The following ARMC6 variants were observed in gnomAD, a reference collection of about 807,000 sequenced individuals.
The protein encoded by ARMC6 is armadillo repeat containing 6.
ARMC6 carries 43 observed loss-of-function variants against 49.2 expected under a neutral mutation model. That is an observed-to-expected ratio of 0.87 (90% CI 0.69 to 1.13). ARMC6 has a LOEUF of 1.13. Among genes scored for constraint, ARMC6 ranks in the 50% most tolerant of loss-of-function variants. The pLI, the probability that ARMC6 is intolerant of heterozygous loss-of-function variation, is 0.00. For synonymous variants in ARMC6, 262 were observed against 289.6 expected (o/e 0.90, Z 0.97); for missense variants, 627 against 682.0 (o/e 0.92, Z 0.90).
intron 2 of ARMC6, among the ~76,000 whole-genome samples, chr19:19,035,002 C>T (rs1003331518): frequency 2.0e-5 from 3 of 152,056 alleles, no homozygotes; most frequent in Non-Finnish European, 2.9e-5. Context: ...GCTGGAAATA[C>T]AGGCACCCGC....
chr19:19,035,932 A>G (rs1401676073), intron 2 of ARMC6, among the ~76,000 whole-genome samples: 1 of 152,190 alleles, frequency 6.6e-6, no homozygotes, highest in Non-Finnish European at 1.5e-5. Context: ...GGTAGAGACA[A>G]ATGATTGCTT....
chr19:19,043,747 C>T (rs536897793), intron 3 of ARMC6, among the ~76,000 whole-genome samples: 1 of 152,254 alleles, frequency 6.6e-6, no homozygotes, highest in East Asian at 1.9e-4. Flanking sequence ...TGATGACAGC[C>T]TTGTGTGACA....
At chr19:19,056,225 C>T (rs1287245430) in intron 8 of ARMC6, among the ~76,000 whole-genome samples, 2 of 151,290 alleles carry the variant, frequency 1.3e-5, no homozygotes, top group African/African-American at 4.9e-5. Flanking sequence ...TGGTGAAACC[C>T]TGGAAAGAAA....
In ARMC6 at chr19:19,055,736, T is replaced by G; in HGVS notation, c.1156-55T>G. On this transcript the variant is annotated intron_variant, in intron 7 of 8. Coordinates refer to ENST00000535612, the MANE Select transcript of ARMC6 (RefSeq NM_001199196.2). The surrounding 1 kb of genome is among the most constrained non-coding windows in gnomAD (Gnocchi z 5.7). Reference sequence around the variant, plus strand: ...CCAGGGGTTGGTGGCCATGGCAGGATGTTGTGGGGGGTCTATCTGCTGCAT... The same window carrying G: ...CCAGGGGTTGGTGGCCATGGCAGGAGGTTGTGGGGGGTCTATCTGCTGCAT... The G allele has an allele frequency of 6.6e-7, 1 of 1,511,692 alleles. No homozygotes were observed. The highest frequency in any genetic ancestry group is 8.9e-7 in the Non-Finnish European group (1 of 1,121,912). 93.6% of individuals were successfully genotyped at this position (1,511,692 alleles called of 1,614,324 possible).
At chr19:19,048,983 C>G (rs1436170010) in intron 4 of ARMC6, among the ~76,000 whole-genome samples, 1 of 151,950 alleles carries the variant, frequency 6.6e-6, no homozygotes, top group Non-Finnish European at 1.5e-5. Flanking sequence ...CCATCATGAC[C>G]TGAAGTAGTT....
intron 2 of ARMC6, among the ~76,000 whole-genome samples, 174 bp from the exon 3 acceptor site, chr19:19,042,537 G>A (rs79135289): frequency 0.051 from 7,836 of 152,234 alleles, 238 homozygotes; most frequent in Middle Eastern, 0.11. Context: ...AGAAGTTCTA[G>A]GGAAGTAGGG....
At chr19:19,054,461 G>A (rs1266715327) in intron 6 of ARMC6, 140 bp downstream of exon 6, 1 of 893,040 alleles carries the variant, frequency 1.1e-6, no homozygotes, top group Non-Finnish European at 1.6e-6. Context: ...CCAAGGGCAG[G>A]AACCAAAGGT....
Position 19,057,642 on chromosome 19 carries a change from C to A in ARMC6, c.*14C>A. ...CTGGCGCCATGACCCCAGGCCCAGT[C>A]TGGGCCGTGACTCTGGGTGAGTCGT... is the stretch of plus-strand genomic sequence containing the variant. On this transcript the variant is annotated 3_prime_UTR_variant, in exon 9 of 9. Transcript: ENST00000535612. 6.2e-7 allele frequency: 1 copy of A among 1,610,238 alleles called. No individual in the cohort carries two copies. Among genetic ancestry groups the A allele is most frequent in the South Asian group, 1.1e-5 (1 of 91,054 alleles).
Position 19,042,824 on chromosome 19 carries a change from C to T in ARMC6, c.143C>T (p.Ala48Val), listed in dbSNP as rs543220314. 26 of 1,614,010 alleles carry T rather than the reference C, an allele frequency of 1.6e-5. No individual in the cohort carries two copies. Among genetic ancestry groups the T allele is most frequent in the South Asian group, 1.3e-4 (12 of 91,088 alleles). Reference sequence around the variant, plus strand: ...GTGCGCGAGAACATCGAGGAGTTTGCGATGGGGCCAGAGGAGGCAGTGAAA... The same window carrying T: ...GTGCGCGAGAACATCGAGGAGTTTGTGATGGGGCCAGAGGAGGCAGTGAAA... ...AAVRENIEEF[A>V]MGPEEAVKEA... Residue 48 changes from alanine to valine, a missense_variant, in exon 3 of 9, where the codon GCG becomes GTG. Coordinates refer to ENST00000535612, the MANE Select transcript of ARMC6 (RefSeq NM_001199196.2).
At chr19:19,037,308 G>A (rs2059378671) in intron 2 of ARMC6, among the ~76,000 whole-genome samples, 1 of 152,022 alleles carries the variant, frequency 6.6e-6, no homozygotes, top group African/African-American at 2.4e-5. Flanking sequence ...CAGGAACACA[G>A]ATGGAATGTG....
Position 19,052,183 on chromosome 19 carries a change from G to A in ARMC6, c.841G>A (p.Glu281Lys), listed in dbSNP as rs373103058. The stretch of plus-strand genomic sequence containing the variant: ...GAACAAAGGCTTGAAGGTGCTCATC[G>A]AAGCCACCAAAGGTAAGAGCTGGGG... ...QENKGLKVLI[E>K]ATKAFLDNPG... The change falls in exon 5 of 9, where the codon GAA (glutamate) becomes AAA (lysine). Residue 281 changes from glutamate (E) to lysine (K), a missense_variant. Coordinates refer to ENST00000535612, the MANE Select transcript of ARMC6 (RefSeq NM_001199196.2). 1.7e-5 allele frequency: 27 copies of A among 1,599,488 alleles called. No homozygotes were observed. Among genetic ancestry groups the A allele is most frequent in the African/African-American group, 9.3e-5 (7 of 74,904 alleles).
intron 4 of ARMC6, among the ~76,000 whole-genome samples, chr19:19,046,978 AACTCTC>A (rs2059457364): frequency 1.7e-5 from 2 of 114,408 alleles, no homozygotes; most frequent in South Asian, 5.5e-4. Context: ...TTTTGACACA[AACTCTC>A]ACTCTGTCAC....
intron 3 of ARMC6, 22 bp from the exon 4 acceptor site, chr19:19,043,969 CT>C (rs2059429522): frequency 6.2e-7 from 1 of 1,609,836 alleles, no homozygotes; most frequent in African/African-American, 1.3e-5. Context: ...CCCCTGTGTG[CT>C]TGCTTCCCCC....
At chr19:19,047,850 G>GTAC (rs2059464230) in intron 4 of ARMC6, among the ~76,000 whole-genome samples, 1 of 152,166 alleles carries the variant, frequency 6.6e-6, no homozygotes, top group Non-Finnish European at 1.5e-5. Flanking sequence ...CATGTGAGAC[G>GTAC]TACATTGGTG....
intron 2 of ARMC6, among the ~76,000 whole-genome samples, chr19:19,036,123 G>A (rs1367359050): frequency 1.3e-5 from 2 of 152,042 alleles, no homozygotes; most frequent in African/African-American, 4.8e-5. Context: ...GTGCAATGGC[G>A]CAATCTTGGC....
intron 2 of ARMC6, 23 bp downstream of exon 2, chr19:19,034,261 A>G: frequency 6.3e-7 from 1 of 1,592,108 alleles, no homozygotes. Context: ...AAATAATAAC[A>G]GAGTGATGGG....
chr19:19,036,406 G>A (rs967510660), intron 2 of ARMC6, among the ~76,000 whole-genome samples: 1 of 152,210 alleles, frequency 6.6e-6, no homozygotes, highest in African/African-American at 2.4e-5. Flanking sequence ...AGAGCAACTG[G>A]ATATGCATTT....
rs750785701 is a variant in ARMC6, at chr19:19,044,023, A to G, written c.228A>G (p.Ala76=). ...GVDLSNIVKT[A]PKVSADGSQE... ...ATCTGAGCAACATTGTAAAGACGGC[A>G]CCTAAAGTCTCTGCAGACGGATCCC... is the stretch of plus-strand genomic sequence containing the variant. The change falls in exon 4 of 9, where the codon GCA becomes GCG. Residue 76 remains alanine, a synonymous_variant. Transcript: ENST00000535612. 1.2e-6 allele frequency: 2 copies of G among 1,614,144 alleles called. No individual in the cohort carries two copies. Among genetic ancestry groups the G allele is most frequent in the Admixed American group, 1.7e-5 (1 of 60,016 alleles).
At chr19:19,052,414 CA>C (rs2059506606) in intron 5 of ARMC6, among the ~76,000 whole-genome samples, 1 of 152,168 alleles carries the variant, frequency 6.6e-6, no homozygotes, top group South Asian at 2.1e-4. Flanking sequence ...GGGCCAGGAG[CA>C]GGCCACAATC....
Sources: allele counts gnomAD v4.1 joint callset (sites outside exome capture counted in the v4.1 genomes callset), GRCh38; gene constraint gnomAD v4.1.1; non-coding constraint Gnocchi (gnomAD v3.1); transcripts MANE v1.5; gene names NCBI Gene and HGNC (gene_info 2026-07-23, HGNC 2026-07-21).